Variants in SPIDR observed in about 807,000 individuals in gnomAD.
SPIDR encodes the protein scaffold protein involved in DNA repair.
A neutral mutation model predicts 104.6 loss-of-function variants in SPIDR; 93 were observed. That is an observed-to-expected ratio of 0.89 (90% CI 0.75 to 1.06). The LOEUF (loss-of-function observed/expected upper bound fraction) is 1.06, where lower values mean the gene tolerates loss of function less well. Ranked by LOEUF, SPIDR falls within the 50% of genes least tolerant of loss-of-function variation. The pLI is 0.00. For missense variants in SPIDR, 1,154 were observed against 1,111.2 expected, an observed-to-expected ratio of 1.04 and a Z score of -0.55; for synonymous variants, 431 against 416.9, an observed-to-expected ratio of 1.03 and a Z score of -0.41.
chr8:47,407,617 G>A (rs970740662), intron 6 of SPIDR, among the ~76,000 whole-genome samples: 8 of 152,296 alleles, frequency 5.3e-5, no homozygotes, highest in African/African-American at 1.4e-4. Flanking sequence ...TTCCAAGAAT[G>A]TGATGTTTTT....
At chr8:47,550,825 G>C (rs886771914) in intron 8 of SPIDR, among the ~76,000 whole-genome samples, 19 of 152,082 alleles carry the variant, frequency 1.2e-4, no homozygotes, top group African/African-American at 4.3e-4. Context: ...AGTCGTGAAG[G>C]AGGGCATCCC....
At chr8:47,661,874 A>G (rs1271501455) in intron 10 of SPIDR, among the ~76,000 whole-genome samples, 6 of 152,188 alleles carry the variant, frequency 3.9e-5, no homozygotes, top group African/African-American at 9.6e-5. Context: ...TGGGATCCCA[A>G]TGCTTCTGCC....
chr8:47,280,305 G>A (rs1244328420), intron 2 of SPIDR, among the ~76,000 whole-genome samples: 4 of 150,944 alleles, frequency 2.6e-5, no homozygotes, highest in South Asian at 2.1e-4. Context: ...GTACAGTGGC[G>A]CAATCATAGC....
chr8:47,329,465 C>T (rs1278117183), intron 5 of SPIDR, among the ~76,000 whole-genome samples: 2 of 152,090 alleles, frequency 1.3e-5, no homozygotes, highest in Non-Finnish European at 2.9e-5. Flanking sequence ...ACCTTGGCCT[C>T]GCAACGTGTT....
At chr8:47,401,852 C>G (rs1372711362) in intron 6 of SPIDR, among the ~76,000 whole-genome samples, 1 of 152,160 alleles carries the variant, frequency 6.6e-6, no homozygotes, top group Non-Finnish European at 1.5e-5. Context: ...TAGAGACCTA[C>G]AAAGAGACTT....
At chr8:47,337,846 A>G (rs1257107554) in intron 5 of SPIDR, among the ~76,000 whole-genome samples, 1 of 152,164 alleles carries the variant, frequency 6.6e-6, no homozygotes, top group Non-Finnish European at 1.5e-5. Context: ...GTGTTCTTTT[A>G]GTATTTCAAG....
Position 47,609,361 on chromosome 8 carries a change from A to T in SPIDR, c.1544+10165A>T, listed in dbSNP as rs147235103. 8.0e-3 allele frequency among the ~76,000 whole-genome samples: 1,220 copies of T among 152,288 alleles called. 15 individuals carry two copies. Among genetic ancestry groups the T allele is most frequent in the African/African-American group, 0.027 (1,138 of 41,550 alleles). On this transcript the variant is annotated intron_variant, in intron 10 of 19. Transcript: ENST00000297423. ...CATACTTCTGTGTTTTCTTCTAAGA[A>T]TTTTATAGCTTTTGCCCTTATATTT... is the stretch of plus-strand genomic sequence containing the variant.
chr8:47,441,281 T>C (rs1196644824), intron 8 of SPIDR, among the ~76,000 whole-genome samples: 1 of 152,170 alleles, frequency 6.6e-6, no homozygotes, highest in Non-Finnish European at 1.5e-5. Context: ...CTGAAGTGCC[T>C]TTTTCTTCTC....
chr8:47,641,324 C>T (rs2068946565), intron 10 of SPIDR, among the ~76,000 whole-genome samples: 1 of 152,108 alleles, frequency 6.6e-6, no homozygotes, highest in Admixed American at 6.5e-5. Context: ...TGTGCCCAGC[C>T]AGACTAATCA....
At chr8:47,394,795 G>T (rs189431368) in intron 5 of SPIDR, among the ~76,000 whole-genome samples, 1 of 152,108 alleles carries the variant, frequency 6.6e-6, no homozygotes, top group Non-Finnish European at 1.5e-5. Flanking sequence ...TGGATCTCTT[G>T]GTGGCCCAAT....
At chr8:47,458,487 T>G (rs2073401660) in intron 8 of SPIDR, among the ~76,000 whole-genome samples, 3 of 151,954 alleles carry the variant, frequency 2.0e-5, no homozygotes. Flanking sequence ...ACATTAATTT[T>G]GTATCCTAAA....
At chr8:47,297,447 T>C (rs1353456077) in intron 5 of SPIDR, among the ~76,000 whole-genome samples, 1 of 152,144 alleles carries the variant, frequency 6.6e-6, no homozygotes, top group Non-Finnish European at 1.5e-5. Flanking sequence ...CACATGCTTT[T>C]TCCATATCTA....
chr8:47,540,847 GA>G (rs1227520930), intron 8 of SPIDR, among the ~76,000 whole-genome samples: 1 of 152,034 alleles, frequency 6.6e-6, no homozygotes, highest in Non-Finnish European at 1.5e-5. Flanking sequence ...TTACTTTATT[GA>G]AAAAACAGTG....
At chr8:47,643,993 A>G (rs2069719594) in intron 10 of SPIDR, among the ~76,000 whole-genome samples, 1 of 152,192 alleles carries the variant, frequency 6.6e-6, no homozygotes, top group Non-Finnish European at 1.5e-5. Flanking sequence ...AACAGTATCA[A>G]CAGAGGCTTC....
intron 5 of SPIDR, among the ~76,000 whole-genome samples, chr8:47,336,762 A>G (rs372853231): frequency 6.6e-6 from 1 of 152,218 alleles, no homozygotes; most frequent in African/African-American, 2.4e-5. Flanking sequence ...GTTGGTTTCA[A>G]TATGTGTGCA....
In SPIDR at chr8:47,537,446, A is replaced by G. The variant is rs181860663; in HGVS notation, c.1098-58365A>G. On this transcript the variant is annotated intron_variant, in intron 8 of 19. Transcript: ENST00000297423. ...AGAGGAACCTTAAATGCATATTGCT[A>G]AGTGAAAGAAACCAATCTAAAAAGG... 4.9e-3 allele frequency among the ~76,000 whole-genome samples: 748 copies of G among 152,352 alleles called. 26 individuals carry two copies. The highest frequency in any genetic ancestry group is 0.043 in the Admixed American group (656 of 15,300).
chr8:47,353,955 G>C (rs1205212986), intron 5 of SPIDR, among the ~76,000 whole-genome samples: 3 of 151,932 alleles, frequency 2.0e-5, no homozygotes, highest in African/African-American at 7.3e-5. Context: ...GTTTTTTTCA[G>C]GGTTATGGGG....
At chr8:47,275,147 T>A (rs1314299122) in intron 1 of SPIDR, among the ~76,000 whole-genome samples, 1 of 151,302 alleles carries the variant, frequency 6.6e-6, no homozygotes, top group Non-Finnish European at 1.5e-5. Context: ...TAGTCCCAGC[T>A]ACTTGGGAGG....
intron 5 of SPIDR, among the ~76,000 whole-genome samples, chr8:47,379,216 G>T (rs1306249462): frequency 6.6e-6 from 1 of 152,066 alleles, no homozygotes; most frequent in Non-Finnish European, 1.5e-5. Context: ...ATGCCTGTGG[G>T]CTGTCATGAG....
Sources: allele counts gnomAD v4.1 joint callset (sites outside exome capture counted in the v4.1 genomes callset), GRCh38; gene constraint gnomAD v4.1.1; transcripts MANE v1.5; gene names NCBI Gene and HGNC (gene_info 2026-07-23, HGNC 2026-07-21).